The following MMP17 variants were observed in gnomAD, a reference collection of about 807,000 sequenced individuals.
The protein encoded by MMP17 is matrix metallopeptidase 17.
In MMP17, 54 loss-of-function variants were observed where a neutral mutation model predicts 49.1. The ratio of observed to expected loss-of-function variants is 1.10; its 90% CI spans 0.88 to 1.38. The LOEUF (loss-of-function observed/expected upper bound fraction) is 1.38, where lower values mean the gene tolerates loss of function less well. Ranked by LOEUF, MMP17 falls within the 40% of genes most tolerant of loss-of-function variation. MMP17 has a pLI of 0.00. For missense variants in MMP17, 837 were observed against 853.7 expected, an observed-to-expected ratio of 0.98 and a Z score of 0.24; for synonymous variants, 397 against 383.1, an observed-to-expected ratio of 1.04 and a Z score of -0.42.
chr12:131,832,680 TGGGACAGGACGGCA>T (rs937620474), intron 1 of MMP17, among the ~76,000 whole-genome samples: 2 of 151,916 alleles, frequency 1.3e-5, no homozygotes, highest in African/African-American at 2.4e-5. Context: ...ACCGTCTGAG[TGGGACAGGACGGCA>T]GGGACAGGAC....
chr12:131,838,687 G>A lies in MMP17; in HGVS notation c.368G>A (p.Arg123Lys). The change falls in exon 3 of 10, where the codon AGG becomes AAG. Residue 123 changes from arginine (R) to lysine (K), a missense_variant. Arg to Lys is a conservative substitution (Grantham distance 26). Transcript: ENST00000360564. ...CTCCCTGTCCTGACCCAGGCTCGCA[G>A]GAGACGCCAGGCTCCAGCCCCCACC... ...PDLPVLTQAR[R>K]RRQAPAPTKW... is the part of the protein sequence containing the mutation. The A allele has an allele frequency of 1.2e-6, 2 of 1,606,770 alleles. No individual in the cohort carries two copies. Among genetic ancestry groups the A allele is most frequent in the Non-Finnish European group, 1.7e-6 (2 of 1,177,662 alleles).
In MMP17 at chr12:131,840,757, C is replaced by G; in HGVS notation, c.607C>G (p.Pro203Ala). The G allele has an allele frequency of 6.2e-7, 1 of 1,604,442 alleles. No homozygotes were observed. The highest frequency in any genetic ancestry group is 8.5e-7 in the Non-Finnish European group (1 of 1,179,864). The part of the protein sequence containing the change: ...DHNDGYPFDG[P>A]GGTVAHAFFP... The stretch of plus-strand genomic sequence containing the variant: ...TAACGACGGCTACCCCTTCGACGGC[C>G]CCGGCGGCACCGTGGCCCACGCCTT... Residue 203 changes from proline to alanine, a missense_variant, in exon 4 of 10, where the codon CCC becomes GCC. Pro to Ala is a conservative substitution (Grantham distance 27). Coordinates refer to ENST00000360564, the MANE Select transcript of MMP17 (RefSeq NM_016155.7).
chr12:131,828,402 GGGGCGCCGCGGAGAGCGGA>G lies in MMP17; in HGVS notation c.-84_-66del, dbSNP rs1266308491. Reference sequence around the variant, plus strand: ...CTGCCGCGCGGGGCTCAGTCCGGCGGGGGCGCCGCGGAGAGCGGAGGGCGCCGGGCTGCGGAACGCGAAG... The same window carrying G: ...CTGCCGCGCGGGGCTCAGTCCGGCGGGGGCGCCGGGCTGCGGAACGCGAAG... On this transcript the variant is annotated 5_prime_UTR_variant, in exon 1 of 10. Coordinates refer to ENST00000360564, the MANE Select transcript of MMP17 (RefSeq NM_016155.7). 8.0e-6 allele frequency: 6 copies of G among 746,494 alleles called. No homozygotes were observed. The highest frequency in any genetic ancestry group is 6.0e-5 in the South Asian group (1 of 16,652). 46.2% of individuals were successfully genotyped at this position (746,494 alleles called of 1,614,324 possible).
At chr12:131,845,063 C>T in intron 6 of MMP17, 55 bp from the exon 7 acceptor site, 1 of 1,476,612 alleles carries the variant, frequency 6.8e-7, no homozygotes, top group East Asian at 3.1e-5. Context: ...GCAGGATGCC[C>T]TGTCCCGCGC....
Position 131,840,729 on chromosome 12 carries a change from C to A in MMP17, c.579C>A (p.Asp193Glu), listed in dbSNP as rs1235984613. ...TCCAGATCGACTTCTCCAAGGCCGA[C>A]CATAACGACGGCTACCCCTTCGACG... ...ADIQIDFSKA[D>E]HNDGYPFDGP... Residue 193 changes from aspartate (D) to glutamate (E), a missense_variant, in exon 4 of 10, where the codon GAC (aspartate) becomes GAA (glutamate). Asp to Glu is a conservative substitution (Grantham distance 45). Transcript: ENST00000360564. 6.2e-6 allele frequency: 10 copies of A among 1,604,606 alleles called. No homozygotes were observed. The highest frequency in any genetic ancestry group is 8.5e-6 in the Non-Finnish European group (10 of 1,179,914).
chr12:131,838,222 C>A lies in MMP17; in HGVS notation c.187C>A (p.Pro63Thr). 6.2e-7 allele frequency: 1 copy of A among 1,612,620 alleles called. No homozygotes were observed. The highest frequency in any genetic ancestry group is 1.1e-5 in the South Asian group (1 of 91,034). Reference protein sequence around the residue: ...VEWLSRFGYLPPADPTTGQLQ... With the variant: ...VEWLSRFGYLTPADPTTGQLQ... ...GTGGCTAAGCAGGTTCGGTTACCTGCCCCCGGCTGACCCCACAACAGGGCA... is the reference window on the plus strand; with the variant it reads ...GTGGCTAAGCAGGTTCGGTTACCTGACCCCGGCTGACCCCACAACAGGGCA... Residue 63 changes from proline (P) to threonine (T), a missense_variant, in exon 2 of 10, where the codon CCC (proline) becomes ACC (threonine). Coordinates refer to ENST00000360564, the MANE Select transcript of MMP17 (RefSeq NM_016155.7).
intron 1 of MMP17, 45 bp downstream of exon 1, chr12:131,828,698 CG>C (rs1886639921): frequency 1.3e-5 from 3 of 230,470 alleles, no homozygotes; most frequent in East Asian, 1.1e-4. Context: ...GGGCCGGAGC[CG>C]GGGGTCTCCG....
chr12:131,844,947 T>TCGCC, intron 6 of MMP17, 171 bp from the exon 7 acceptor site: 2 of 419,766 alleles, frequency 4.8e-6, no homozygotes, highest in South Asian at 8.5e-5. Flanking sequence ...GCTGAAGCGG[T>TCGCC]GGACAGGCAC....
intron 1 of MMP17, among the ~76,000 whole-genome samples, chr12:131,831,248 T>G (rs921856334): frequency 2.6e-5 from 4 of 152,196 alleles, no homozygotes; most frequent in African/African-American, 9.6e-5. Flanking sequence ...CAAGCTGCTC[T>G]AAAGTTTCTG....
At chr12:131,848,164 C>T (rs528726607) in intron 8 of MMP17, among the ~76,000 whole-genome samples, 4 of 152,282 alleles carry the variant, frequency 2.6e-5, no homozygotes, top group South Asian at 2.1e-4. Flanking sequence ...CAGCTCACTG[C>T]GGCCTCGACC....
intron 9 of MMP17, 51 bp from the exon 10 acceptor site, chr12:131,850,874 C>A (rs1236598979): frequency 7.3e-7 from 1 of 1,367,046 alleles, no homozygotes. Context: ...CCGGCTCGAG[C>A]CCCTCCTGCT....
chr12:131,840,637 G>A lies in MMP17; in HGVS notation c.487G>A (p.Ala163Thr), dbSNP rs930815632. 25 of 1,609,142 alleles carry A rather than the reference G, an allele frequency of 1.6e-5. No homozygotes were observed. Among genetic ancestry groups the A allele is most frequent in the Non-Finnish European group, 2.0e-5 (24 of 1,179,936 alleles). Residue 163 changes from alanine to threonine, a missense_variant, in exon 4 of 10, where the codon GCC becomes ACC. Physicochemically the swap from Ala to Thr is moderately conservative, Grantham distance 58. Transcript: ENST00000360564. ...CACGGTGCGTGCACTCATGTACTAC[G>A]CCCTCAAGGTCTGGAGCGACATTGC... ...HDTVRALMYY[A>T]LKVWSDIAPL...
intron 1 of MMP17, among the ~76,000 whole-genome samples, chr12:131,831,113 G>GTCT (rs1457743414): frequency 6.6e-6 from 1 of 152,198 alleles, no homozygotes; most frequent in Non-Finnish European, 1.5e-5. Flanking sequence ...GGAGCCGCCC[G>GTCT]TCTATTCACC....
At chr12:131,844,855 C>T (rs1340724502) in intron 6 of MMP17, 6 of 510,422 alleles carry the variant, frequency 1.2e-5, no homozygotes, top group Admixed American at 9.7e-5. Flanking sequence ...GGTGCTACAC[C>T]AGTCTCCACC....
At chr12:131,839,095 G>T (rs1887246590) in intron 3 of MMP17, among the ~76,000 whole-genome samples, 1 of 152,202 alleles carries the variant, frequency 6.6e-6, no homozygotes, top group Admixed American at 6.5e-5. Context: ...GAGTAGGCTG[G>T]ATGGTGCCCT....
Position 131,851,530 on chromosome 12 carries a change from G to A in MMP17, c.*256G>A, listed in dbSNP as rs1485715753. The A allele has an allele frequency of 7.7e-6, 3 of 389,754 alleles. No homozygotes were observed. The highest frequency in any genetic ancestry group is 6.2e-5 in the African/African-American group (3 of 48,458). 24.1% of individuals were successfully genotyped at this position (389,754 alleles called of 1,614,324 possible). A position where few individuals can be genotyped will look rare whatever the true frequency, so the allele number is the denominator to read the frequency against. On this transcript the variant is annotated 3_prime_UTR_variant, in exon 10 of 10. Coordinates refer to ENST00000360564, the MANE Select transcript of MMP17 (RefSeq NM_016155.7). ...CCGCTCCAGAAGGGTGCCCAGTCAG[G>A]CCGCACCGCCGCCAGCCTCCTCCGG...
In MMP17 at chr12:131,840,797, A is replaced by G. The variant is rs1887360765; in HGVS notation, c.647A>G (p.His216Arg). 1.2e-6 allele frequency: 2 copies of G among 1,606,432 alleles called. No homozygotes were observed. The highest frequency in any genetic ancestry group is 2.2e-5 in the East Asian group (1 of 44,870). ...TVAHAFFPGH[H>R]HTAGDTHFDD... ...GCCCACGCCTTCTTCCCCGGCCACC[A>G]CCACACCGCCGGGGACACCCACTTT... Residue 216 changes from histidine to arginine, a missense_variant, in exon 4 of 10, where the codon CAC becomes CGC. Physicochemically the swap from His to Arg is conservative, Grantham distance 29. Coordinates refer to ENST00000360564, the MANE Select transcript of MMP17 (RefSeq NM_016155.7).
At chr12:131,844,583 G>A (rs1023479598) in intron 6 of MMP17, 2 of 219,496 alleles carry the variant, frequency 9.1e-6, no homozygotes, top group Admixed American at 5.5e-5. Context: ...ATTGCCAGAG[G>A]CCGGTAGAAG....
chr12:131,841,256 C>T (rs949710706), intron 4 of MMP17, among the ~76,000 whole-genome samples: 2 of 152,242 alleles, frequency 1.3e-5, no homozygotes, highest in Admixed American at 1.3e-4. Context: ...GTCCTGGGAG[C>T]CCAGGCCCGT....
Sources: gnomAD v4.1 joint callset for allele counts (sites outside exome capture counted in the v4.1 genomes callset) on GRCh38, gnomAD v4.1.1 for gene constraint, MANE v1.5 for transcripts, NCBI Gene and HGNC (gene_info 2026-07-23, HGNC 2026-07-21) for gene names.